The following SLIT3 variants were observed in gnomAD, a reference collection of about 807,000 sequenced individuals.
The protein encoded by SLIT3 is slit homolog 3 protein.
SLIT3 carries 68 observed loss-of-function variants against 184.0 expected under a neutral mutation model. The observed-to-expected ratio is 0.37, with a 90% CI of 0.30 to 0.45. The LOEUF (loss-of-function observed/expected upper bound fraction) is 0.45. Among genes scored for constraint, SLIT3 ranks in the 20% least tolerant of loss-of-function variants. The pLI, the probability that SLIT3 is intolerant of heterozygous loss-of-function variation, is 1.00. For missense variants in SLIT3, 1,707 were observed against 2,026.0 expected (o/e 0.84, Z 3.02); for synonymous variants, 831 against 828.6 (o/e 1.00, Z -0.05).
At chr5:168,999,112 C>T (rs1239376694) in intron 4 of SLIT3, among the ~76,000 whole-genome samples, 2 of 152,120 alleles carry the variant, frequency 1.3e-5, no homozygotes, top group Admixed American at 1.3e-4. Flanking sequence ...GACAGAGTCT[C>T]ACTACATTGC....
intron 4 of SLIT3, among the ~76,000 whole-genome samples, chr5:169,027,147 G>A (rs1291000472): frequency 1.3e-5 from 2 of 152,076 alleles, no homozygotes; most frequent in Admixed American, 6.5e-5. Context: ...ATGTGCCCTG[G>A]GGTTCAGTTT....
intron 4 of SLIT3, among the ~76,000 whole-genome samples, chr5:168,894,808 C>T (rs949867833): frequency 2.0e-5 from 3 of 152,206 alleles, no homozygotes; most frequent in Non-Finnish European, 4.4e-5. Context: ...AACTTCTCCC[C>T]TCCTCCTTTC....
intron 1 of SLIT3, among the ~76,000 whole-genome samples, chr5:169,261,194 G>A (rs1176939365): frequency 6.6e-6 from 1 of 152,240 alleles, no homozygotes; most frequent in African/African-American, 2.4e-5. Flanking sequence ...TAATTGGGGT[G>A]TAGGGTCGGG....
intron 4 of SLIT3, among the ~76,000 whole-genome samples, chr5:168,926,517 C>T (rs779763001): frequency 1.3e-4 from 20 of 152,192 alleles, no homozygotes; most frequent in Non-Finnish European, 2.5e-4. Context: ...CCCTGGGAGC[C>T]CTACTTTGTG....
chr5:168,883,890 T>C (rs1760062227), intron 4 of SLIT3, among the ~76,000 whole-genome samples: 1 of 152,060 alleles, frequency 6.6e-6, no homozygotes, highest in Non-Finnish European at 1.5e-5. Context: ...CCCTAGACCT[T>C]CTTAGTGACA....
intron 4 of SLIT3, among the ~76,000 whole-genome samples, chr5:169,076,273 TAA>T (rs1445530033): frequency 2.0e-5 from 3 of 152,202 alleles, no homozygotes; most frequent in Non-Finnish European, 4.4e-5. Context: ...TTTTCAGACT[TAA>T]AAGAGATCAG....
At chr5:168,889,732 G>A (rs1760369807) in intron 4 of SLIT3, among the ~76,000 whole-genome samples, 1 of 152,232 alleles carries the variant, frequency 6.6e-6, no homozygotes, top group Non-Finnish European at 1.5e-5. Context: ...AGTTGAGATA[G>A]AAAAGTGGAT....
intron 4 of SLIT3, among the ~76,000 whole-genome samples, chr5:168,960,829 A>G (rs1427368558): frequency 1.3e-5 from 2 of 152,206 alleles, no homozygotes. Flanking sequence ...CTAAAGCTGG[A>G]GCTTTATTAG....
chr5:169,234,562 C>A (rs113791694), intron 3 of SLIT3, among the ~76,000 whole-genome samples: 12,361 of 152,130 alleles, frequency 0.081, 595 homozygotes, highest in South Asian at 0.12. Context: ...TGCCATCACA[C>A]CTGGCTAATT....
At chr5:169,151,180 G>A (rs1264031178) in intron 4 of SLIT3, among the ~76,000 whole-genome samples, 1 of 152,152 alleles carries the variant, frequency 6.6e-6, no homozygotes, top group African/African-American at 2.4e-5. Context: ...GCTTCCCACT[G>A]AGCAAGTGAT....
At chr5:169,079,306 T>G (rs184998867) in intron 4 of SLIT3, among the ~76,000 whole-genome samples, 1 of 152,160 alleles carries the variant, frequency 6.6e-6, no homozygotes. Context: ...AGCTCTCTTT[T>G]GTTTTCAGAT....
intron 4 of SLIT3, among the ~76,000 whole-genome samples, chr5:169,129,429 G>A (rs1761206460): frequency 6.6e-6 from 1 of 152,062 alleles, no homozygotes; most frequent in African/African-American, 2.4e-5. Context: ...GTGGGCGCCT[G>A]TAATACCAGC....
intron 6 of SLIT3, among the ~76,000 whole-genome samples, chr5:168,844,066 T>C (rs951822511): frequency 1.6e-5 from 2 of 127,788 alleles, no homozygotes; most frequent in African/African-American, 2.9e-5. Flanking sequence ...CCAGGAGCAA[T>C]AGCAATGACT....
chr5:168,911,251 G>T (rs1428931789), intron 4 of SLIT3, among the ~76,000 whole-genome samples: 3 of 152,096 alleles, frequency 2.0e-5, no homozygotes, highest in Non-Finnish European at 4.4e-5. Flanking sequence ...AAACTCCCGT[G>T]CACACATTTT....
At position 169,244,780 on chromosome 5, in the gene SLIT3, C is replaced by T. The variant is rs769084716; in HGVS notation, c.270-4G>A. On this transcript the variant is annotated splice_polypyrimidine_tract_variant and splice_region_variant and intron_variant, in intron 2 of 35. Coordinates refer to ENST00000519560, the MANE Select transcript of SLIT3 (RefSeq NM_003062.4). Reference sequence around the variant, plus strand: ...GACCTGGTTGTCTTCCAGATGCCTACAACCACAGAGACAGCAATGACTAAG... The same window carrying T: ...GACCTGGTTGTCTTCCAGATGCCTATAACCACAGAGACAGCAATGACTAAG... 2.5e-6 allele frequency: 4 copies of T among 1,613,320 alleles called. No individual in the cohort carries two copies. In the East Asian group the frequency reaches 8.9e-5, roughly 36 times the overall value.
At chr5:168,829,821 G>A (rs1581124439) in intron 6 of SLIT3, among the ~76,000 whole-genome samples, 1 of 152,244 alleles carries the variant, frequency 6.6e-6, no homozygotes, top group African/African-American at 2.4e-5. Flanking sequence ...ACAGGCAGGG[G>A]ACGATGTGCA....
At position 168,857,751 on chromosome 5, in the gene SLIT3, C is replaced by T. The variant is rs143369151; in HGVS notation, c.486-13096G>A. ...TTAAGACGAGGACTCTCCAGGGGGT[C>T]GGAGGGCTGAACAGCAGGGTGGAAA... On this transcript the variant is annotated intron_variant, in intron 5 of 35. Transcript: ENST00000519560. 4.3e-4 allele frequency among the ~76,000 whole-genome samples: 65 copies of T among 152,212 alleles called. 1 individual carries two copies. Among genetic ancestry groups the T allele is most frequent in the Non-Finnish European group, 9.0e-4 (61 of 67,994 alleles).
intron 3 of SLIT3, among the ~76,000 whole-genome samples, chr5:169,216,537 T>C (rs1360635182): frequency 2.6e-5 from 4 of 152,160 alleles, no homozygotes; most frequent in African/African-American, 9.6e-5. Context: ...CCTATAGAGA[T>C]TTGGCCAATT....
intron 5 of SLIT3, among the ~76,000 whole-genome samples, chr5:168,853,049 C>T (rs1385080932): frequency 6.6e-6 from 1 of 152,214 alleles, no homozygotes; most frequent in East Asian, 1.9e-4. Flanking sequence ...TCTTGTTCAT[C>T]TAACTTAGAC....
Sources: allele counts gnomAD v4.1 joint callset (sites outside exome capture counted in the v4.1 genomes callset), GRCh38; gene constraint gnomAD v4.1.1; transcripts MANE v1.5; gene names NCBI Gene and HGNC (gene_info 2026-07-23, HGNC 2026-07-21).